Variants in ORC5 observed in about 807,000 individuals in gnomAD.
ORC5 encodes the protein origin recognition complex subunit 5.
Under a neutral mutation model 58.8 loss-of-function variants are expected in ORC5, and 39 were observed. The ratio of observed to expected loss-of-function variants is 0.66; its 90% CI spans 0.51 to 0.87. The LOEUF (loss-of-function observed/expected upper bound fraction) is 0.87, where lower values mean the gene tolerates loss of function less well. ORC5 is among the 40% of genes least tolerant of loss of function. The pLI is 0.00. For synonymous variants in ORC5, 218 were observed against 177.6 expected (o/e 1.23, Z -1.81); for missense variants, 493 against 506.3 (o/e 0.97, Z 0.25).
intron 9 of ORC5, 66 bp downstream of exon 9, chr7:104,168,407 C>T (rs1457231379): frequency 6.3e-7 from 1 of 1,579,524 alleles, no homozygotes; most frequent in Non-Finnish European, 8.6e-7. Context: ...TTAGTATTAA[C>T]TTTAGTATCT....
intron 6 of ORC5, among the ~76,000 whole-genome samples, chr7:104,186,978 A>C (rs962241877): frequency 6.6e-6 from 1 of 152,122 alleles, no homozygotes; most frequent in Non-Finnish European, 1.5e-5. Flanking sequence ...CTCTCTTTAC[A>C]TTTTATTTTC....
intron 12 of ORC5, among the ~76,000 whole-genome samples, chr7:104,155,329 A>AT (rs1322529727): frequency 6.6e-6 from 1 of 151,628 alleles, no homozygotes. Context: ...AACACTCTAA[A>AT]TTTTTTATTA....
At chr7:104,142,334 T>C (rs768337810) in intron 12 of ORC5, among the ~76,000 whole-genome samples, 21 of 152,164 alleles carry the variant, frequency 1.4e-4, no homozygotes, top group Non-Finnish European at 2.5e-4. Context: ...GTTTTGGCAA[T>C]GATTTTTTTG....
chr7:104,195,167 A>C lies in ORC5; in HGVS notation c.529T>G (p.Leu177Val), dbSNP rs761913689. The C allele has an allele frequency of 1.9e-6, 3 of 1,572,762 alleles. No homozygotes were observed. The highest frequency in any genetic ancestry group is 2.4e-5 in the East Asian group (1 of 42,220). Residue 177 changes from leucine (L) to valine (V), a missense_variant, in exon 5 of 14, where the codon TTA becomes GTA. Leu to Val is a conservative substitution (Grantham distance 32). Transcript: ENST00000297431. ...CCTATGCTGTAATCAGGGAAATATA[A>C]GACAAACGGCTCAAAGCATCCAGTA... ...PNTGCFEPFVLYFPDYSIGNL... is the reference protein window; with the variant it reads ...PNTGCFEPFVVYFPDYSIGNL...
chr7:104,140,737 C>A (rs920584258), intron 12 of ORC5, among the ~76,000 whole-genome samples: 20 of 152,170 alleles, frequency 1.3e-4, no homozygotes, highest in African/African-American at 4.6e-4. Context: ...GACAACAGAG[C>A]ACAAAGCATG....
chr7:104,143,624 A>G (rs760320433), intron 12 of ORC5, among the ~76,000 whole-genome samples: 7 of 152,170 alleles, frequency 4.6e-5, no homozygotes, highest in Admixed American at 6.5e-5. Context: ...GATTTAGGAA[A>G]AGCTAATACA....
chr7:104,186,771 A>G (rs1338393840), intron 6 of ORC5, among the ~76,000 whole-genome samples: 1 of 152,172 alleles, frequency 6.6e-6, no homozygotes, highest in Non-Finnish European at 1.5e-5. Flanking sequence ...TATAGAGAAA[A>G]CTAAGAACAT....
rs1246672912 is a variant in ORC5, at chr7:104,133,342, G to A, written c.1262+3439C>T. ...GTGAATGAAATTGAGACAAATAAGA[G>A]GGGCTTTGTAAGCTCAATAGGACTA... On this transcript the variant is annotated intron_variant, in intron 13 of 13. Transcript: ENST00000297431. This position sits in a 1 kb window ranked among gnomAD's most constrained non-coding sequence, Gnocchi z 4.7. Among the ~76,000 whole-genome samples, 1 of 152,132 alleles carries A rather than the reference G, an allele frequency of 6.6e-6. No homozygotes were observed. The highest frequency in any genetic ancestry group is 1.5e-5 in the Non-Finnish European group (1 of 68,038).
Position 104,195,101 on chromosome 7 carries a change from TCTC to T in ORC5, c.553+39_553+41del, listed in dbSNP as rs769351894. The T allele has an allele frequency of 3.4e-5, 33 of 978,306 alleles. No homozygotes were observed. In the South Asian group the frequency reaches 5.2e-4, roughly 15 times the overall value. The allele number at this position is 978,306 out of a possible 1,614,324, so 60.6% of individuals were successfully genotyped here. A position where few individuals can be genotyped will look rare whatever the true frequency, so the allele number is the denominator to read the frequency against. ...TAATCTTTCAAACAACAAAAACTAT[TCTC>T]CTGCATATCATTTGCCAAAACAATG... On this transcript the variant is annotated intron_variant, in intron 5 of 13. Transcript: ENST00000297431.
chr7:104,172,123 T>C (rs1405059285), intron 8 of ORC5, among the ~76,000 whole-genome samples: 3 of 152,226 alleles, frequency 2.0e-5, no homozygotes, highest in Non-Finnish European at 4.4e-5. Flanking sequence ...ACTTCACTAC[T>C]GGTATATAAA....
At chr7:104,176,732 T>C (rs1385461309) in intron 8 of ORC5, among the ~76,000 whole-genome samples, 1 of 152,220 alleles carries the variant, frequency 6.6e-6, no homozygotes, top group Non-Finnish European at 1.5e-5. Flanking sequence ...TCAATACTTT[T>C]TTAAATATAA....
chr7:104,177,255 T>G (rs961542482), intron 8 of ORC5, among the ~76,000 whole-genome samples: 2 of 152,188 alleles, frequency 1.3e-5, no homozygotes, highest in African/African-American at 4.8e-5. Flanking sequence ...AATGTCTGAA[T>G]CACTTCCAAA....
At chr7:104,179,894 CTCTTT>C (rs775175459) in intron 8 of ORC5, among the ~76,000 whole-genome samples, 5 of 152,276 alleles carry the variant, frequency 3.3e-5, no homozygotes, top group Admixed American at 6.5e-5. Flanking sequence ...TGATAACTCT[CTCTTT>C]TAACTTTTTC....
At position 104,165,294 on chromosome 7, in the gene ORC5, G is replaced by A; in HGVS notation, c.991-12C>T. ...ATTTTTCCATGATGCTGCAATTAAG[G>A]AAAACAAATTTTAAGTTGAAAAGAC... On this transcript the variant is annotated splice_polypyrimidine_tract_variant and intron_variant, in intron 10 of 13. Transcript: ENST00000297431. 1 of 1,491,832 alleles carries A rather than the reference G, an allele frequency of 6.7e-7. No individual in the cohort carries two copies. Among genetic ancestry groups the A allele is most frequent in the Non-Finnish European group, 9.2e-7 (1 of 1,087,128 alleles). 92.4% of individuals were successfully genotyped at this position (1,491,832 alleles called of 1,614,324 possible). A position where few individuals can be genotyped will look rare whatever the true frequency, so the allele number is the denominator to read the frequency against.
At chr7:104,203,763 C>A (rs1310929468) in intron 2 of ORC5, among the ~76,000 whole-genome samples, 1 of 152,198 alleles carries the variant, frequency 6.6e-6, no homozygotes, top group Non-Finnish European at 1.5e-5. Flanking sequence ...TTAAGATTTG[C>A]ATGGCCTAGC....
chr7:104,155,433 G>T (rs778428989), intron 12 of ORC5, among the ~76,000 whole-genome samples: 4 of 151,256 alleles, frequency 2.6e-5, no homozygotes, highest in Admixed American at 6.6e-5. Context: ...TTTTTAAAAA[G>T]AACTATGCTC....
chr7:104,164,292 C>T (rs563755565), intron 11 of ORC5, among the ~76,000 whole-genome samples: 3 of 152,184 alleles, frequency 2.0e-5, no homozygotes, highest in Admixed American at 6.5e-5. Context: ...GGCACAGTGG[C>T]GTGTGCCTGT....
intron 8 of ORC5, among the ~76,000 whole-genome samples, chr7:104,171,621 TG>T (rs1799212277): frequency 6.6e-6 from 1 of 152,010 alleles, no homozygotes; most frequent in African/African-American, 2.4e-5. Context: ...ATCAACTACT[TG>T]TCTCTCCTCA....
chr7:104,194,825 A>T (rs1440138394), intron 5 of ORC5, among the ~76,000 whole-genome samples: 1 of 151,934 alleles, frequency 6.6e-6, no homozygotes, highest in Non-Finnish European at 1.5e-5. Flanking sequence ...TCATCCAAAA[A>T]AATGTAGTAA....
Sources: allele counts gnomAD v4.1 joint callset (sites outside exome capture counted in the v4.1 genomes callset), GRCh38; gene constraint gnomAD v4.1.1; non-coding constraint Gnocchi (gnomAD v3.1); transcripts MANE v1.5; gene names NCBI Gene and HGNC (gene_info 2026-07-23, HGNC 2026-07-21).